Variants in GRID1 observed in about 807,000 individuals in gnomAD.
GRID1 encodes the protein glutamate ionotropic receptor delta type subunit 1.
Under a neutral mutation model 98.0 loss-of-function variants are expected in GRID1, and 28 were observed. The observed-to-expected ratio is 0.29, with a 90% CI of 0.21 to 0.39. GRID1 has a LOEUF of 0.39. GRID1 is among the 10% of genes least tolerant of loss of function. The pLI is 1.00. For missense variants in GRID1, 1,111 were observed against 1,340.5 expected (o/e 0.83, Z 2.67); for synonymous variants, 553 against 538.5 (o/e 1.03, Z -0.37).
At chr10:86,028,516 G>C (rs904748885) in intron 4 of GRID1, among the ~76,000 whole-genome samples, 14 of 152,208 alleles carry the variant, frequency 9.2e-5, no homozygotes, top group Admixed American at 5.2e-4. Flanking sequence ...CTCTAGAAAT[G>C]ATGAGAACTA....
chr10:86,364,438 C>A (rs555957832), intron 1 of GRID1, among the ~76,000 whole-genome samples: 14 of 152,304 alleles, frequency 9.2e-5, no homozygotes, highest in Admixed American at 2.0e-4. Flanking sequence ...GCTGGGGTGG[C>A]CCCAGGCAGC....
chr10:86,024,435 A>AT (rs945127689), intron 4 of GRID1, among the ~76,000 whole-genome samples: 1 of 152,132 alleles, frequency 6.6e-6, no homozygotes, highest in Non-Finnish European at 1.5e-5. Flanking sequence ...GAAAAGATCT[A>AT]TTTTTTCCCT....
At chr10:85,890,359 GATC>G (rs1173847268) in intron 5 of GRID1, among the ~76,000 whole-genome samples, 1 of 151,970 alleles carries the variant, frequency 6.6e-6, no homozygotes, top group Non-Finnish European at 1.5e-5. Context: ...ACCCTGATTT[GATC>G]ATTATACAAC....
chr10:85,959,354 C>T (rs962810818), intron 4 of GRID1, among the ~76,000 whole-genome samples: 6 of 152,222 alleles, frequency 3.9e-5, no homozygotes, highest in African/African-American at 1.4e-4. Flanking sequence ...ATAAAGGGAA[C>T]AAGACGAGGT....
intron 4 of GRID1, among the ~76,000 whole-genome samples, chr10:85,951,537 T>C (rs74996092): frequency 0.052 from 7,900 of 152,328 alleles, 248 homozygotes; most frequent in Middle Eastern, 0.11. Context: ...GTTCATTTCG[T>C]ATGCTGGTTC....
chr10:85,693,975 T>C (rs961899127), intron 12 of GRID1, among the ~76,000 whole-genome samples: 4 of 152,142 alleles, frequency 2.6e-5, no homozygotes, highest in African/African-American at 7.2e-5. Flanking sequence ...GTAGTCAACA[T>C]TGTGAACAGA....
intron 8 of GRID1, among the ~76,000 whole-genome samples, chr10:85,776,842 CT>C (rs1842336230): frequency 6.6e-6 from 1 of 152,206 alleles, no homozygotes; most frequent in Admixed American, 6.5e-5. Context: ...GCTGTGTCCA[CT>C]GAATCTCAAG....
intron 12 of GRID1, among the ~76,000 whole-genome samples, chr10:85,719,983 G>T (rs1841681865): frequency 6.6e-6 from 1 of 152,042 alleles, no homozygotes; most frequent in Non-Finnish European, 1.5e-5. Context: ...GAAAGACCCT[G>T]TTTACATCAA....
chr10:86,268,324 G>A (rs1358007342), intron 2 of GRID1, among the ~76,000 whole-genome samples: 4 of 152,232 alleles, frequency 2.6e-5, no homozygotes, highest in Admixed American at 6.5e-5. Context: ...CCAGCTTCCC[G>A]GTTCCTCTCT....
intron 8 of GRID1, among the ~76,000 whole-genome samples, chr10:85,773,806 T>C (rs926884945): frequency 6.6e-6 from 1 of 152,172 alleles, no homozygotes; most frequent in African/African-American, 2.4e-5. Flanking sequence ...TACAAACCAC[T>C]GCTCAATGAA....
chr10:86,159,749 T>C (rs1845294417), intron 3 of GRID1, among the ~76,000 whole-genome samples: 1 of 152,208 alleles, frequency 6.6e-6, no homozygotes, highest in South Asian at 2.1e-4. Flanking sequence ...AACACTGGAC[T>C]CCACCCCTTA....
chr10:85,784,229 G>A (rs1842405951), intron 8 of GRID1, among the ~76,000 whole-genome samples: 1 of 152,226 alleles, frequency 6.6e-6, no homozygotes, highest in Non-Finnish European at 1.5e-5. Context: ...CATGCCAGAT[G>A]TAAATTAAAG....
intron 4 of GRID1, among the ~76,000 whole-genome samples, chr10:86,083,742 A>G (rs1256164555): frequency 6.6e-6 from 1 of 152,224 alleles, no homozygotes; most frequent in East Asian, 1.9e-4. Flanking sequence ...TTCAGGAATC[A>G]GGTCACCTTG....
chr10:86,138,674 G>T, intron 4 of GRID1, 145 bp downstream of exon 4: 1 of 631,112 alleles, frequency 1.6e-6, no homozygotes, highest in Non-Finnish European at 2.8e-6. Context: ...CCCCTTACAG[G>T]CTGAGTGCTG....
chr10:86,135,161 G>A (rs1330938459), intron 4 of GRID1, among the ~76,000 whole-genome samples: 2 of 152,218 alleles, frequency 1.3e-5, no homozygotes, highest in African/African-American at 4.8e-5. Flanking sequence ...GGAAGCTGAT[G>A]GGCTTGCATG....
At chr10:86,330,653 A>T (rs1172530240) in intron 2 of GRID1, among the ~76,000 whole-genome samples, 2 of 152,220 alleles carry the variant, frequency 1.3e-5, no homozygotes, top group Non-Finnish European at 2.9e-5. Flanking sequence ...GATCACCTTC[A>T]TACTTTGTGT....
In GRID1 at chr10:86,345,552, C is replaced by T. The variant is rs562191055; in HGVS notation, c.235+18389G>A. Among the ~76,000 whole-genome samples the T allele has an allele frequency of 7.2e-5, 11 of 152,332 alleles. No homozygotes were observed. In the South Asian group the frequency reaches 1.7e-3, roughly 23 times the overall value. On this transcript the variant is annotated intron_variant, in intron 2 of 15. Transcript: ENST00000327946. ...AGTCCTGAAACCTCCAAGAATGGTA[C>T]GCGCTGCACCTGGGATCCTCAGGGA...
At chr10:86,227,590 T>A (rs149914052) in intron 2 of GRID1, among the ~76,000 whole-genome samples, 1 of 152,136 alleles carries the variant, frequency 6.6e-6, no homozygotes, top group East Asian at 1.9e-4. Flanking sequence ...AGTTCCCCAG[T>A]CCCTTCCCAA....
intron 8 of GRID1, among the ~76,000 whole-genome samples, chr10:85,739,995 G>T (rs1373980637): frequency 6.6e-6 from 1 of 152,100 alleles, no homozygotes; most frequent in Admixed American, 6.5e-5. Context: ...TTTACCTAGA[G>T]GAAGCATTGT....
Sources: allele counts gnomAD v4.1 joint callset (sites outside exome capture counted in the v4.1 genomes callset), GRCh38; gene constraint gnomAD v4.1.1; transcripts MANE v1.5; gene names NCBI Gene and HGNC (gene_info 2026-07-23, HGNC 2026-07-21).